RNF217: variants seen among roughly 807,000 people sequenced by gnomAD.
RNF217 encodes ring finger protein 217.
A neutral mutation model predicts 57.8 loss-of-function variants in RNF217; 31 were observed. That is an observed-to-expected ratio of 0.54 (90% confidence interval 0.40 to 0.72). The LOEUF (loss-of-function observed/expected upper bound fraction) is 0.72, where lower values mean the gene tolerates loss of function less well. Ranked by LOEUF, RNF217 falls within the 30% of genes least tolerant of loss-of-function variation. The pLI is 0.00. For synonymous variants in RNF217, 313 were observed against 294.0 expected (o/e 1.06, Z -0.66); for missense variants, 696 against 708.3 (o/e 0.98, Z 0.20).
intron 2 of RNF217, among the ~76,000 whole-genome samples, chr6:125,052,583 A>G (rs1787366122): frequency 6.6e-6 from 1 of 152,062 alleles, no homozygotes; most frequent in Non-Finnish European, 1.5e-5. Flanking sequence ...AGAAGTCAAA[A>G]TATGTTTTCC....
At chr6:125,052,836 C>A (rs1787378432) in intron 2 of RNF217, among the ~76,000 whole-genome samples, 3 of 152,066 alleles carry the variant, frequency 2.0e-5, no homozygotes. Flanking sequence ...TTAGGACATA[C>A]CCGAATCTGA....
At chr6:125,041,213 A>G (rs1398276595) in intron 1 of RNF217, among the ~76,000 whole-genome samples, 1 of 152,132 alleles carries the variant, frequency 6.6e-6, no homozygotes, top group East Asian at 1.9e-4. Context: ...TCAATTTAAA[A>G]AAATCTCATT....
rs924377554 is a variant in RNF217, at chr6:125,084,251, C to T, written c.*1314C>T. On this transcript the variant is annotated 3_prime_UTR_variant, in exon 6 of 6. Transcript: ENST00000521654. ...AACTTTTTATGTTCTTGAGTTTGTC[C>T]AATATCAGCTGCTTTTGGGAAAGGA... is the stretch of plus-strand genomic sequence containing the variant. 6.6e-6 allele frequency: 1 copy of T among 151,830 alleles called. No individual in the cohort carries two copies. Among genetic ancestry groups the T allele is most frequent in the Admixed American group, 6.6e-5 (1 of 15,218 alleles). 9.4% of individuals were successfully genotyped at this position (151,830 alleles called of 1,614,324 possible).
intron 1 of RNF217, among the ~76,000 whole-genome samples, chr6:125,007,539 T>A (rs2114330085): frequency 6.6e-6 from 1 of 152,182 alleles, no homozygotes; most frequent in East Asian, 1.9e-4. Context: ...GAGCCACTGC[T>A]CCTGGCTGAC....
At chr6:125,017,786 C>G (rs1437696780) in intron 1 of RNF217, among the ~76,000 whole-genome samples, 1 of 152,054 alleles carries the variant, frequency 6.6e-6, no homozygotes, top group Non-Finnish European at 1.5e-5. Flanking sequence ...TTTAATCTTT[C>G]TATTCAAACT....
chr6:125,063,844 T>G (rs1293073963), intron 3 of RNF217, among the ~76,000 whole-genome samples: 1 of 152,204 alleles, frequency 6.6e-6, no homozygotes, highest in Non-Finnish European at 1.5e-5. Flanking sequence ...TTGTATTTAT[T>G]CATAATTTAT....
At chr6:125,078,820 C>G (rs1385235245) in intron 4 of RNF217, among the ~76,000 whole-genome samples, 1 of 152,128 alleles carries the variant, frequency 6.6e-6, no homozygotes, top group African/African-American at 2.4e-5. Flanking sequence ...TTTCCCCACC[C>G]CAAGCACAGC....
chr6:125,073,152 G>A (rs1788214789), intron 3 of RNF217, among the ~76,000 whole-genome samples: 2 of 152,160 alleles, frequency 1.3e-5, no homozygotes, highest in African/African-American at 4.8e-5. Flanking sequence ...ACGATGCTTT[G>A]GGTTTTCGGC....
In RNF217 at chr6:125,045,457, A is replaced by G; in HGVS notation, c.1116+13A>G. The G allele has an allele frequency of 1.2e-6, 2 of 1,600,262 alleles. No homozygotes were observed. The highest frequency in any genetic ancestry group is 8.6e-7 in the Non-Finnish European group (1 of 1,169,586). On this transcript the variant is annotated intron_variant, in intron 2 of 5. Transcript: ENST00000521654. ...AAGCAAATACAAAGTAAGCATTTTC[A>G]CCAGAGCTGTGGGTTAGATGTCACA...
intron 3 of RNF217, 83 bp from the exon 4 acceptor site, chr6:125,076,574 G>A: frequency 1.2e-6 from 1 of 822,658 alleles, no homozygotes; most frequent in Admixed American, 1.9e-5. Context: ...AAACTGGTAA[G>A]TGTTGTTTCA....
chr6:125,000,278 A>G (rs1784925071), intron 1 of RNF217, among the ~76,000 whole-genome samples: 1 of 152,130 alleles, frequency 6.6e-6, no homozygotes, highest in Non-Finnish European at 1.5e-5. Flanking sequence ...GAATGGTATT[A>G]TAACATGAAT....
At chr6:125,063,287 CAAAT>C (rs1248015312) in intron 3 of RNF217, among the ~76,000 whole-genome samples, 1 of 152,046 alleles carries the variant, frequency 6.6e-6, no homozygotes, top group Non-Finnish European at 1.5e-5. Flanking sequence ...GTTATAAAAG[CAAAT>C]AAACAGTTAA....
At chr6:125,044,543 T>C (rs1347928066) in intron 1 of RNF217, among the ~76,000 whole-genome samples, 1 of 152,098 alleles carries the variant, frequency 6.6e-6, no homozygotes, top group Non-Finnish European at 1.5e-5. Context: ...ATTTTGTAAA[T>C]TACCGCAGTA....
rs1219630074 is a variant in RNF217 at position 125,026,242 on chromosome 6, C to A, written c.883-18969C>A. ...ACCTGGGTAGACATCTGCAGTGACA[C>A]AGTGGCAATGTGTCCAGGCTCTGCC... On this transcript the variant is annotated intron_variant, in intron 1 of 5. Transcript: ENST00000521654. Among the ~76,000 whole-genome samples the A allele has an allele frequency of 4.6e-5, 7 of 152,284 alleles. No homozygotes were observed. The Middle Eastern group carries it at 0.01, about 222-fold the overall frequency.
chr6:124,967,868 T>A (rs1294032501), intron 1 of RNF217, among the ~76,000 whole-genome samples: 2 of 151,956 alleles, frequency 1.3e-5, no homozygotes. Flanking sequence ...AACCTTTGCC[T>A]CCCGGGTTCA....
intron 1 of RNF217, among the ~76,000 whole-genome samples, chr6:125,014,927 G>A (rs1785548839): frequency 6.6e-6 from 1 of 152,116 alleles, no homozygotes; most frequent in Non-Finnish European, 1.5e-5. Flanking sequence ...TGTTGACCCT[G>A]CTCAAAATCC....
At position 125,085,350 on chromosome 6, in the gene RNF217, AT is replaced by A. The variant is rs1469106603; in HGVS notation, c.*2418del. Reference sequence around the variant, plus strand: ...TTTTTCATTTTTCTATTGAGTAGATATTTTTAAATTAACATACACATTTTTC... The same window carrying A: ...TTTTTCATTTTTCTATTGAGTAGATATTTTAAATTAACATACACATTTTTC... On this transcript the variant is annotated 3_prime_UTR_variant, in exon 6 of 6. Coordinates refer to ENST00000521654, the MANE Select transcript of RNF217 (RefSeq NM_001286398.3). 1 of 151,824 alleles carries A rather than the reference AT, an allele frequency of 6.6e-6. No individual in the cohort carries two copies. The highest frequency in any genetic ancestry group is 1.5e-5 in the Non-Finnish European group (1 of 67,814). 9.4% of individuals were successfully genotyped at this position (151,824 alleles called of 1,614,324 possible). A position where few individuals can be genotyped will look rare whatever the true frequency, so the allele number is the denominator to read the frequency against.
At chr6:125,058,471 T>C (rs1211092806) in intron 3 of RNF217, among the ~76,000 whole-genome samples, 2 of 152,206 alleles carry the variant, frequency 1.3e-5, no homozygotes, top group African/African-American at 4.8e-5. Flanking sequence ...TTCTCAATTA[T>C]ATAGGCTTTG....
intron 1 of RNF217, among the ~76,000 whole-genome samples, chr6:125,026,220 T>G (rs1037961679): frequency 6.6e-6 from 1 of 152,198 alleles, no homozygotes; most frequent in African/African-American, 2.4e-5. Context: ...TTGCAAAACC[T>G]GGGTAGACAT....
Sources: allele counts gnomAD v4.1 joint callset (sites outside exome capture counted in the v4.1 genomes callset), GRCh38; gene constraint gnomAD v4.1.1; transcripts MANE v1.5; gene names NCBI Gene and HGNC (gene_info 2026-07-23, HGNC 2026-07-21).